Variants in CACNA2D3 observed in about 807,000 individuals in gnomAD.
The protein encoded by CACNA2D3 is voltage-dependent calcium channel subunit alpha-2/delta-3.
CACNA2D3 carries 60 observed loss-of-function variants against 160.6 expected under a neutral mutation model. The observed-to-expected ratio is 0.37, with a 90% CI of 0.30 to 0.46. The LOEUF (loss-of-function observed/expected upper bound fraction) is 0.46, where lower values mean the gene tolerates loss of function less well. CACNA2D3 is among the 20% of genes least tolerant of loss of function. CACNA2D3 has a pLI of 1.00. For synonymous variants in CACNA2D3, 558 were observed against 492.9 expected (o/e 1.13, Z -1.75); for missense variants, 1,205 against 1,365.0 (o/e 0.88, Z 1.85).
chr3:54,940,677 G>A (rs72877934), intron 27 of CACNA2D3, among the ~76,000 whole-genome samples: 27,084 of 152,160 alleles, frequency 0.18, 3,204 homozygotes, highest in African/African-American at 0.34. Context: ...CCAAAAAGAA[G>A]CAAACAATAA....
chr3:54,624,215 G>A (rs1171869225), intron 9 of CACNA2D3, among the ~76,000 whole-genome samples: 1 of 152,202 alleles, frequency 6.6e-6, no homozygotes, highest in Non-Finnish European at 1.5e-5. Context: ...TCCATAACAT[G>A]TTGTTACATT....
intron 25 of CACNA2D3, among the ~76,000 whole-genome samples, chr3:54,893,285 C>T (rs896204207): frequency 2.7e-5 from 4 of 146,470 alleles, no homozygotes; most frequent in African/African-American, 1.0e-4. Context: ...CAAAAAAACT[C>T]TTTTTTTTTT....
intron 2 of CACNA2D3, among the ~76,000 whole-genome samples, chr3:54,215,663 C>T (rs1293952836): frequency 6.6e-6 from 1 of 152,134 alleles, no homozygotes; most frequent in African/African-American, 2.4e-5. Flanking sequence ...ACTTTTTAAC[C>T]TGTTACTCAG....
At chr3:54,467,776 A>C (rs760534990) in intron 4 of CACNA2D3, among the ~76,000 whole-genome samples, 1 of 152,188 alleles carries the variant, frequency 6.6e-6, no homozygotes, top group Non-Finnish European at 1.5e-5. Context: ...TACGAACTAC[A>C]GTTAGGAAGA....
At chr3:54,774,145 C>G (rs905192161) in intron 13 of CACNA2D3, among the ~76,000 whole-genome samples, 5 of 152,144 alleles carry the variant, frequency 3.3e-5, no homozygotes, top group African/African-American at 1.2e-4. Context: ...CTCTTGGAAC[C>G]AGGATGTCTG....
At chr3:54,322,823 A>T (rs1485660046) in intron 3 of CACNA2D3, among the ~76,000 whole-genome samples, 2 of 152,172 alleles carry the variant, frequency 1.3e-5, no homozygotes, top group Non-Finnish European at 2.9e-5. Flanking sequence ...GAAGATAAAA[A>T]AAAAAAGACG....
chr3:54,991,269 C>CTGGAG (rs1275840252), intron 31 of CACNA2D3, among the ~76,000 whole-genome samples: 2 of 149,610 alleles, frequency 1.3e-5, no homozygotes, highest in Non-Finnish European at 3.0e-5. Context: ...GTTGCCCAGG[C>CTGGAG]TGGAGTGCAG....
chr3:54,571,173 T>C (rs1473100260), intron 8 of CACNA2D3, among the ~76,000 whole-genome samples: 3 of 151,952 alleles, frequency 2.0e-5, no homozygotes, highest in Admixed American at 1.3e-4. Flanking sequence ...GAGCTGGGGG[T>C]GAATAAAAAG....
intron 13 of CACNA2D3, among the ~76,000 whole-genome samples, chr3:54,785,878 A>G (rs958878058): frequency 3.9e-5 from 6 of 152,104 alleles, no homozygotes; most frequent in East Asian, 1.9e-4. Flanking sequence ...ATCATTAGCA[A>G]TGTGCCATCT....
At chr3:54,799,541 G>A (rs146047902) in intron 13 of CACNA2D3, among the ~76,000 whole-genome samples, 91 of 152,262 alleles carry the variant, frequency 6.0e-4, no homozygotes, top group African/African-American at 2.0e-3. Context: ...GCTCTCTGCA[G>A]GTTCTCTCTT....
intron 14 of CACNA2D3, among the ~76,000 whole-genome samples, chr3:54,827,706 A>G (rs1703777759): frequency 6.6e-6 from 1 of 152,228 alleles, no homozygotes; most frequent in Non-Finnish European, 1.5e-5. Flanking sequence ...AATGTGAAAG[A>G]GGGAGCACTA....
At chr3:54,810,568 A>G (rs2106698473) in intron 13 of CACNA2D3, among the ~76,000 whole-genome samples, 1 of 152,364 alleles carries the variant, frequency 6.6e-6, no homozygotes, top group South Asian at 2.1e-4. Flanking sequence ...TTCATTCATG[A>G]GGCCCGAGGC....
At position 54,837,227 on chromosome 3, in the gene CACNA2D3, A is replaced by T. The variant is rs745855629; in HGVS notation, c.1467A>T (p.Glu489Asp). ...VAMPVFSKQN[E>D]TRSKGILLGV... The stretch of plus-strand genomic sequence containing the variant: ...TGCCTGTGTTTAGTAAGCAGAACGA[A>T]ACCGTGAGTACAGTCGCTGAGCTTC... The change falls in exon 15 of 38, where the codon GAA becomes GAT. Residue 489 changes from glutamate to aspartate, a missense_variant. Physicochemically the swap from Glu to Asp is conservative, Grantham distance 45. Coordinates refer to ENST00000474759, the MANE Select transcript of CACNA2D3 (RefSeq NM_018398.3). The T allele has an allele frequency of 6.2e-7, 1 of 1,613,714 alleles. No homozygotes were observed. The highest frequency in any genetic ancestry group is 1.3e-5 in the African/African-American group (1 of 75,018).
intron 4 of CACNA2D3, among the ~76,000 whole-genome samples, chr3:54,411,705 T>C (rs1318340203): frequency 6.6e-6 from 1 of 152,234 alleles, no homozygotes; most frequent in African/African-American, 2.4e-5. Flanking sequence ...CATGGTGTTA[T>C]GGAACTAAAC....
At position 54,848,347 on chromosome 3, in the gene CACNA2D3, CCAAAAGTGGTAGTGGTTGCTAGGGT is replaced by C. The variant is rs111362799; in HGVS notation, c.1626+1891_1626+1915del. 6.7e-3 allele frequency among the ~76,000 whole-genome samples: 1,023 copies of C among 152,298 alleles called. 12 individuals carry two copies. Among genetic ancestry groups the C allele is most frequent in the African/African-American group, 0.022 (927 of 41,578 alleles). On this transcript the variant is annotated intron_variant, in intron 17 of 37. Coordinates refer to ENST00000474759, the MANE Select transcript of CACNA2D3 (RefSeq NM_018398.3). ...CCATTGCTGTTCTTCTGTTGACACA[CCAAAAGTGGTAGTGGTTGCTAGGGT>C]CAAAAGTGGTGGTGGTTGCTAGGAT... is the stretch of plus-strand genomic sequence containing the variant.
intron 4 of CACNA2D3, among the ~76,000 whole-genome samples, chr3:54,491,211 T>C (rs767724933): frequency 1.3e-5 from 2 of 152,108 alleles, no homozygotes; most frequent in African/African-American, 4.8e-5. Context: ...AGTGGTGCAT[T>C]GATGTGAGAG....
At chr3:54,813,734 G>A (rs1176567221) in intron 13 of CACNA2D3, among the ~76,000 whole-genome samples, 1 of 152,030 alleles carries the variant, frequency 6.6e-6, no homozygotes, top group African/African-American at 2.4e-5. Context: ...GACCTAGCAG[G>A]ATAGAAAGGC....
intron 2 of CACNA2D3, among the ~76,000 whole-genome samples, chr3:54,281,700 T>C (rs1342500474): frequency 1.3e-5 from 2 of 152,202 alleles, no homozygotes; most frequent in Non-Finnish European, 2.9e-5. Context: ...TAAATTATAT[T>C]TTATTGTATA....
chr3:54,705,570 A>T (rs1466356278), intron 11 of CACNA2D3, among the ~76,000 whole-genome samples: 1 of 152,228 alleles, frequency 6.6e-6, no homozygotes, highest in Non-Finnish European at 1.5e-5. Flanking sequence ...TATAGATAAC[A>T]CATTGACAGA....
Sources: gnomAD v4.1 joint callset for allele counts (sites outside exome capture counted in the v4.1 genomes callset) on GRCh38, gnomAD v4.1.1 for gene constraint, MANE v1.5 for transcripts, NCBI Gene and HGNC (gene_info 2026-07-23, HGNC 2026-07-21) for gene names.